The following DNAH14 variants were observed in gnomAD, a reference collection of about 807,000 sequenced individuals.
DNAH14 encodes axonemal beta dynein heavy chain 14.
In DNAH14, 478 loss-of-function variants were observed where a neutral mutation model predicts 520.9. The ratio of observed to expected loss-of-function variants is 0.92; its 90% CI spans 0.85 to 0.99. DNAH14 has a LOEUF of 0.99. Among genes scored for constraint, DNAH14 ranks in the 50% least tolerant of loss-of-function variants. DNAH14 has a pLI of 0.00. For synonymous variants in DNAH14, 1,581 were observed against 1,757.2 expected, an observed-to-expected ratio of 0.90 and a Z score of 2.51; for missense variants, 4,831 against 5,234.5, an observed-to-expected ratio of 0.92 and a Z score of 2.38.
At chr1:224,939,159 A>C (rs2059238665) in intron 1 of DNAH14, among the ~76,000 whole-genome samples, 1 of 152,234 alleles carries the variant, frequency 6.6e-6, no homozygotes, top group African/African-American at 2.4e-5. Context: ...CAATTTTAAA[A>C]ATACAATACT....
chr1:225,335,895 A>G lies in DNAH14; in HGVS notation c.10081-1371A>G, dbSNP rs200955286. Among the ~76,000 whole-genome samples the G allele has an allele frequency of 2.5e-3, 259 of 104,880 alleles. 16 individuals carry two copies. Among genetic ancestry groups the G allele is most frequent in the African/African-American group, 7.9e-3 (245 of 30,890 alleles). The allele number at this position is 104,880 out of a possible 152,430, so 68.8% of individuals were successfully genotyped here. On this transcript the variant is annotated intron_variant, in intron 66 of 85. Coordinates refer to ENST00000682510, the MANE Select transcript of DNAH14 (RefSeq NM_001367479.1). ...CACATATACATATATGTACATATAC[A>G]TACATATATGCATGTATGTATATAT... is the stretch of plus-strand genomic sequence containing the variant.
intron 9 of DNAH14, 137 bp from the exon 10 acceptor site, chr1:225,007,275 AT>A (rs1276656918): frequency 5.7e-6 from 3 of 525,464 alleles, no homozygotes; most frequent in Non-Finnish European, 8.3e-6. Flanking sequence ...TTTGAAAAAC[AT>A]GTAAGTCATA....
intron 36 of DNAH14, among the ~76,000 whole-genome samples, chr1:225,181,513 C>T (rs948642494): frequency 1.7e-4 from 26 of 152,094 alleles, no homozygotes. Flanking sequence ...ATTTTAGTAG[C>T]AGCCTTTCAA....
At chr1:224,939,588 G>T (rs2059272381) in intron 1 of DNAH14, among the ~76,000 whole-genome samples, 2 of 152,144 alleles carry the variant, frequency 1.3e-5, no homozygotes, top group African/African-American at 4.8e-5. Flanking sequence ...GGAGGCTGAG[G>T]CAGGAGAATG....
At chr1:225,288,062 A>G (rs542735374) in intron 54 of DNAH14, among the ~76,000 whole-genome samples, 1 of 152,242 alleles carries the variant, frequency 6.6e-6, no homozygotes, top group Admixed American at 6.5e-5. Context: ...TACCCTCAAG[A>G]AGCTGGGCAT....
chr1:225,003,035 T>C, intron 9 of DNAH14, 108 bp downstream of exon 9: 1 of 1,004,668 alleles, frequency 1.0e-6, no homozygotes, highest in Non-Finnish European at 1.4e-6. Flanking sequence ...AAATAAACCA[T>C]CTCTTTCGAT....
chr1:225,353,785 T>C lies in DNAH14; in HGVS notation c.11534-18T>C. The C allele has an allele frequency of 7.6e-7, 1 of 1,309,574 alleles. No individual in the cohort carries two copies. The highest frequency in any genetic ancestry group is 1.1e-6 in the Non-Finnish European group (1 of 943,230). 81.1% of individuals were successfully genotyped at this position (1,309,574 alleles called of 1,614,324 possible). A position where few individuals can be genotyped will look rare whatever the true frequency, so the allele number is the denominator to read the frequency against. ...ATTTGACTGTTAATGCCAGTTTCTT[T>C]CTCTAAATTATATCTAGCTGAACTT... On this transcript the variant is annotated intron_variant, in intron 72 of 85. Coordinates refer to ENST00000682510, the MANE Select transcript of DNAH14 (RefSeq NM_001367479.1).
intron 64 of DNAH14, among the ~76,000 whole-genome samples, chr1:225,329,162 C>T (rs1359973503): frequency 6.6e-6 from 1 of 152,120 alleles, no homozygotes; most frequent in Non-Finnish European, 1.5e-5. Context: ...ACTTCTCAAA[C>T]AACTGTTATA....
At chr1:225,006,427 G>C (rs1041948810) in intron 9 of DNAH14, among the ~76,000 whole-genome samples, 1 of 152,178 alleles carries the variant, frequency 6.6e-6, no homozygotes, top group Admixed American at 6.5e-5. Context: ...CTTGCAGAGA[G>C]TGAATAGGAG....
At chr1:225,372,494 A>G (rs889389161) in intron 77 of DNAH14, among the ~76,000 whole-genome samples, 3 of 152,218 alleles carry the variant, frequency 2.0e-5, no homozygotes, top group Admixed American at 2.0e-4. Flanking sequence ...TCAAAAAGTA[A>G]ATGATACTGG....
intron 73 of DNAH14, 39 bp downstream of exon 73, chr1:225,353,927 T>C (rs895165444): frequency 3.1e-5 from 35 of 1,136,810 alleles, no homozygotes; most frequent in Non-Finnish European, 4.0e-5. Context: ...ATTCTAAATA[T>C]TTTGAGTGCT....
In DNAH14 at chr1:225,043,742, A is replaced by G; in HGVS notation, c.1769-2A>G. The G allele has an allele frequency of 6.9e-7, 1 of 1,458,100 alleles. No individual in the cohort carries two copies. Among genetic ancestry groups the G allele is most frequent in the Non-Finnish European group, 9.4e-7 (1 of 1,067,386 alleles). 90.3% of individuals were successfully genotyped at this position (1,458,100 alleles called of 1,614,324 possible). A position where few individuals can be genotyped will look rare whatever the true frequency, so the allele number is the denominator to read the frequency against. On this transcript the variant is annotated splice_acceptor_variant, in intron 13 of 85. Coordinates refer to ENST00000682510, the MANE Select transcript of DNAH14 (RefSeq NM_001367479.1). LOFTEE classifies it high-confidence loss of function. ...TCTCTTTCTTTCAATGGATTCTAAT[A>G]GACACAGAAATTGAGACTGAGTTTG...
intron 11 of DNAH14, among the ~76,000 whole-genome samples, chr1:225,033,166 G>T (rs1035591908): frequency 6.6e-6 from 1 of 152,108 alleles, no homozygotes; most frequent in Non-Finnish European, 1.5e-5. Flanking sequence ...CCTGTGTCCA[G>T]AATGGTACTG....
At chr1:225,174,826 T>C (rs1199543165) in intron 36 of DNAH14, among the ~76,000 whole-genome samples, 1 of 152,210 alleles carries the variant, frequency 6.6e-6, no homozygotes, top group Admixed American at 6.5e-5. Context: ...ATATTCACTT[T>C]ATTGTGTTGA....
Position 225,335,932 on chromosome 1 carries a change from T to TAC in DNAH14, c.10081-1333_10081-1332insCA, listed in dbSNP as rs1491139462. ...ATGTATGTATATATGCACATATACC[T>TAC]ATATATACATATATGTATATATACA... On this transcript the variant is annotated intron_variant, in intron 66 of 85. Transcript: ENST00000682510. Among the ~76,000 whole-genome samples, 12 of 119,144 alleles carry TAC rather than the reference T, an allele frequency of 1.0e-4. 1 individual carries two copies. The Admixed American group carries it at 1.1e-3, about 10-fold the overall frequency. 78.2% of individuals were successfully genotyped at this position (119,144 alleles called of 152,430 possible). A position where few individuals can be genotyped will look rare whatever the true frequency, so the allele number is the denominator to read the frequency against.
chr1:225,228,200 C>G (rs1197402704), intron 41 of DNAH14, among the ~76,000 whole-genome samples: 2 of 152,220 alleles, frequency 1.3e-5, no homozygotes. Context: ...GCCTGTATTA[C>G]TGAATCAGTA....
intron 48 of DNAH14, 95 bp from the exon 49 acceptor site, chr1:225,266,546 C>T: frequency 1.1e-6 from 1 of 937,938 alleles, no homozygotes; most frequent in East Asian, 3.3e-5. Context: ...CATAATATTC[C>T]TAATTTGTGC....
chr1:225,032,022 T>G (rs1308027234), intron 11 of DNAH14, among the ~76,000 whole-genome samples: 2 of 152,206 alleles, frequency 1.3e-5, no homozygotes, highest in African/African-American at 4.8e-5. Context: ...ATATTTTCAC[T>G]GGGTGTAGAG....
chr1:225,078,593 T>C (rs1341029156), intron 17 of DNAH14, among the ~76,000 whole-genome samples: 1 of 152,138 alleles, frequency 6.6e-6, no homozygotes, highest in Non-Finnish European at 1.5e-5. Flanking sequence ...TGTGATATGG[T>C]TTGGCTCTGT....
Sources: gnomAD v4.1 joint callset for allele counts (sites outside exome capture counted in the v4.1 genomes callset) on GRCh38, gnomAD v4.1.1 for gene constraint, MANE v1.5 for transcripts, NCBI Gene and HGNC (gene_info 2026-07-23, HGNC 2026-07-21) for gene names.